The following NTM variants were observed in gnomAD, a reference collection of about 807,000 sequenced individuals.
NTM encodes the protein IgLON family member 2.
In NTM, 13 loss-of-function variants were observed where a neutral mutation model predicts 42.1. The ratio of observed to expected loss-of-function variants is 0.31; its 90% CI spans 0.20 to 0.49. The LOEUF is 0.49. Ranked by LOEUF, NTM falls within the 20% of genes least tolerant of loss-of-function variation. The pLI is 0.99. For synonymous variants in NTM, 187 were observed against 179.2 expected, an observed-to-expected ratio of 1.04 and a Z score of -0.35; for missense variants, 373 against 452.8, an observed-to-expected ratio of 0.82 and a Z score of 1.60.
At chr11:131,629,483 G>A (rs1477014886) in intron 1 of NTM, among the ~76,000 whole-genome samples, 2 of 152,148 alleles carry the variant, frequency 1.3e-5, no homozygotes, top group Admixed American at 1.3e-4. Context: ...CAGCTATATG[G>A]TGAAGAAATG....
chr11:132,201,889 A>G (rs963256745), intron 3 of NTM, among the ~76,000 whole-genome samples: 1 of 152,232 alleles, frequency 6.6e-6, no homozygotes, highest in African/African-American at 2.4e-5. Context: ...CGAGCACATC[A>G]TTAGCAGGGT....
At chr11:131,951,608 G>A (rs886613001) in intron 2 of NTM, among the ~76,000 whole-genome samples, 6 of 152,082 alleles carry the variant, frequency 3.9e-5, no homozygotes, top group Non-Finnish European at 8.8e-5. Context: ...AGGATCATGA[G>A]GTCAGGAGTT....
chr11:131,658,605 G>T (rs1426416523), intron 1 of NTM, among the ~76,000 whole-genome samples: 1 of 152,198 alleles, frequency 6.6e-6, no homozygotes, highest in Admixed American at 6.5e-5. Flanking sequence ...CGACTTAGAG[G>T]TTCCTGGTCT....
chr11:132,147,953 G>T (rs894847343), intron 3 of NTM, among the ~76,000 whole-genome samples: 4 of 152,206 alleles, frequency 2.6e-5, no homozygotes, highest in African/African-American at 9.7e-5. Context: ...GCACTGTTGA[G>T]TGAGGCAGGG....
At chr11:131,500,756 C>T (rs540484525) in intron 1 of NTM, among the ~76,000 whole-genome samples, 1 of 112,638 alleles carries the variant, frequency 8.9e-6, no homozygotes, top group Admixed American at 1.2e-4. Flanking sequence ...CACAACAGGC[C>T]TCGGTGTATG....
intron 3 of NTM, among the ~76,000 whole-genome samples, chr11:132,187,484 G>A (rs1157126707): frequency 1.3e-5 from 2 of 152,150 alleles, no homozygotes; most frequent in African/African-American, 4.8e-5. Flanking sequence ...GGCTCTAATA[G>A]CCCCAGATTA....
At chr11:131,773,930 T>A (rs1019747730) in intron 1 of NTM, 10 of 821,004 alleles carry the variant, frequency 1.2e-5, no homozygotes, top group Non-Finnish European at 7.4e-6. Flanking sequence ...GGACTCACTG[T>A]ACAATTCCCA....
At chr11:131,784,469 CATT>C (rs1276305076) in intron 1 of NTM, among the ~76,000 whole-genome samples, 26 of 152,178 alleles carry the variant, frequency 1.7e-4, no homozygotes, top group Admixed American at 1.5e-3. Flanking sequence ...ATTCAAAAAA[CATT>C]ATGCTGAGCC....
At chr11:132,209,388 C>A (rs955734268) in intron 3 of NTM, among the ~76,000 whole-genome samples, 3 of 152,162 alleles carry the variant, frequency 2.0e-5, no homozygotes, top group Non-Finnish European at 4.4e-5. Context: ...TATGGGAGTG[C>A]AATTGAGTGT....
At chr11:131,593,812 A>G (rs1289016046) in intron 1 of NTM, among the ~76,000 whole-genome samples, 3 of 152,212 alleles carry the variant, frequency 2.0e-5, no homozygotes, top group Non-Finnish European at 4.4e-5. Flanking sequence ...CAGTTTCTGC[A>G]CTTGGCAGGT....
At chr11:131,461,686 T>C (rs946598324) in intron 1 of NTM, among the ~76,000 whole-genome samples, 3 of 102,498 alleles carry the variant, frequency 2.9e-5, no homozygotes, top group Admixed American at 1.1e-4. Flanking sequence ...GGAGAGCAGA[T>C]CTTAAGTATT....
intron 1 of NTM, among the ~76,000 whole-genome samples, chr11:131,442,680 T>C (rs544500859): frequency 6.6e-6 from 1 of 152,330 alleles, no homozygotes; most frequent in Admixed American, 6.5e-5. Flanking sequence ...GCATTTGACT[T>C]TCTGTTTCCG....
intron 1 of NTM, among the ~76,000 whole-genome samples, chr11:131,645,531 C>A (rs1472878418): frequency 6.6e-6 from 1 of 152,194 alleles, no homozygotes; most frequent in African/African-American, 2.4e-5. Flanking sequence ...GAAATCTATT[C>A]TTTCCCCTCA....
At chr11:131,412,596 T>G (rs900910970) in intron 1 of NTM, among the ~76,000 whole-genome samples, 29 of 152,188 alleles carry the variant, frequency 1.9e-4, no homozygotes, top group Non-Finnish European at 4.0e-4. Context: ...TAAAAAAGTT[T>G]GTTGATTCGC....
chr11:131,637,268 C>T (rs1452687217), intron 1 of NTM, among the ~76,000 whole-genome samples: 1 of 151,966 alleles, frequency 6.6e-6, no homozygotes, highest in Non-Finnish European at 1.5e-5. Flanking sequence ...CTTGGAAGGC[C>T]AGAGTCACCC....
chr11:131,828,568 C>T (rs1009043488), intron 1 of NTM, among the ~76,000 whole-genome samples: 1 of 152,094 alleles, frequency 6.6e-6, no homozygotes, highest in Non-Finnish European at 1.5e-5. Flanking sequence ...CCATCATCAC[C>T]ACCACCTTCA....
At chr11:132,142,258 G>A (rs576532146) in intron 2 of NTM, among the ~76,000 whole-genome samples, 1 of 152,304 alleles carries the variant, frequency 6.6e-6, no homozygotes, top group South Asian at 2.1e-4. Context: ...GCCATCTCCA[G>A]TTCAGCTCAC....
At chr11:131,713,081 G>A (rs908863973) in intron 1 of NTM, among the ~76,000 whole-genome samples, 4 of 152,182 alleles carry the variant, frequency 2.6e-5, no homozygotes, top group Admixed American at 6.5e-5. Flanking sequence ...CTGCTGCCAG[G>A]TGTCTCCATA....
chr11:131,453,724 G>A (rs765587671), intron 1 of NTM, among the ~76,000 whole-genome samples: 5 of 152,138 alleles, frequency 3.3e-5, no homozygotes, highest in African/African-American at 7.2e-5. Flanking sequence ...CAGCTTCCAC[G>A]TCCATATGGA....
Sources: allele counts gnomAD v4.1 joint callset (sites outside exome capture counted in the v4.1 genomes callset), GRCh38; gene constraint gnomAD v4.1.1; transcripts MANE v1.5; gene names NCBI Gene and HGNC (gene_info 2026-07-23, HGNC 2026-07-21).